Variants in KHDRBS2 observed in about 807,000 individuals in gnomAD.
KHDRBS2 encodes KH domain-containing, RNA-binding, signal transduction-associated protein 2.
In KHDRBS2, 26 loss-of-function variants were observed where a neutral mutation model predicts 44.3. That is an observed-to-expected ratio of 0.59 (90% CI 0.43 to 0.81). The LOEUF (loss-of-function observed/expected upper bound fraction) is 0.81. Ranked by LOEUF, KHDRBS2 falls within the 40% of genes least tolerant of loss-of-function variation. KHDRBS2 has a pLI of 0.00. For missense variants in KHDRBS2, 476 were observed against 433.1 expected (o/e 1.10, Z -0.88); for synonymous variants, 194 against 151.1 (o/e 1.28, Z -2.08).
chr6:61,722,715 ATTT>A (rs11327085), intron 7 of KHDRBS2, among the ~76,000 whole-genome samples: 1 of 146,444 alleles, frequency 6.8e-6, no homozygotes. Context: ...ATATATTTCT[ATTT>A]TTTTTTTTTT....
intron 1 of KHDRBS2, among the ~76,000 whole-genome samples, chr6:62,235,192 G>A (rs1833521493): frequency 6.6e-6 from 1 of 150,510 alleles, no homozygotes; most frequent in East Asian, 2.0e-4. Context: ...CACACGGGAT[G>A]GTAAATTGTT....
intron 2 of KHDRBS2, among the ~76,000 whole-genome samples, chr6:62,161,494 G>T (rs905995117): frequency 2.1e-5 from 3 of 141,628 alleles, no homozygotes; most frequent in Non-Finnish European, 3.0e-5. Context: ...TAAAGTATAT[G>T]TGAGAATTGC....
intron 6 of KHDRBS2, among the ~76,000 whole-genome samples, chr6:61,738,354 T>C (rs1277249048): frequency 6.6e-6 from 1 of 152,062 alleles, no homozygotes; most frequent in Non-Finnish European, 1.5e-5. Context: ...CATTCCTCCC[T>C]GGAACATGGT....
At chr6:62,165,566 AACT>A (rs1366033939) in intron 2 of KHDRBS2, among the ~76,000 whole-genome samples, 1 of 151,910 alleles carries the variant, frequency 6.6e-6, no homozygotes, top group Non-Finnish European at 1.5e-5. Flanking sequence ...TCCTGAAATG[AACT>A]ACATTTGAGT....
the KHDRBS2 span, among the ~76,000 whole-genome samples, chr6:61,613,953 T>C: frequency 1.3e-5 from 2 of 152,214 alleles, no homozygotes; most frequent in Non-Finnish European, 2.9e-5. Flanking sequence ...GACTAAATCA[T>C]CCTCCAGACC....
At chr6:61,548,055 C>A in the KHDRBS2 span, among the ~76,000 whole-genome samples, 3 of 152,038 alleles carry the variant, frequency 2.0e-5, no homozygotes, top group African/African-American at 7.2e-5. Context: ...AAAGAATTTA[C>A]ACATCAATAT....
chr6:62,050,194 C>T (rs1208039626), intron 2 of KHDRBS2, among the ~76,000 whole-genome samples: 2 of 151,942 alleles, frequency 1.3e-5, no homozygotes, highest in African/African-American at 4.8e-5. Flanking sequence ...GACATAGGAA[C>T]AGAAAACCAA....
intron 6 of KHDRBS2, among the ~76,000 whole-genome samples, chr6:61,801,314 G>C (rs1316779934): frequency 6.6e-6 from 1 of 151,880 alleles, no homozygotes; most frequent in Non-Finnish European, 1.5e-5. Context: ...TTGGAGAACA[G>C]AATATAGTGA....
At chr6:61,690,164 T>C (rs1473746906) in intron 8 of KHDRBS2, among the ~76,000 whole-genome samples, 2 of 152,020 alleles carry the variant, frequency 1.3e-5, no homozygotes, top group African/African-American at 4.8e-5. Flanking sequence ...AATTCTGTAA[T>C]GATTTCCTAA....
At position 62,128,544 on chromosome 6, in the gene KHDRBS2, A is replaced by ATCTC. The variant is rs5876776; in HGVS notation, c.219+48637_219+48640dup. ...AATGATCTCTAAATTTCTTTTAATG[A>ATCTC]TCTCTCTCTCTCTCTCTCTCTCTCT... On this transcript the variant is annotated intron_variant, in intron 2 of 8. Coordinates refer to ENST00000281156, the MANE Select transcript of KHDRBS2 (RefSeq NM_152688.4). 1.9e-3 allele frequency among the ~76,000 whole-genome samples: 286 copies of ATCTC among 148,774 alleles called. 2 individuals are homozygous for ATCTC. The highest frequency in any genetic ancestry group is 6.2e-3 in the African/African-American group (252 of 40,598).
intron 2 of KHDRBS2, among the ~76,000 whole-genome samples, chr6:62,130,844 T>C (rs1182581991): frequency 6.6e-6 from 1 of 152,022 alleles, no homozygotes; most frequent in East Asian, 1.9e-4. Flanking sequence ...ATGTATTAAA[T>C]ACTGTACTGA....
At chr6:61,574,413 C>A in the KHDRBS2 span, 2 of 1,518,016 alleles carry the variant, frequency 1.3e-6, no homozygotes, top group Non-Finnish European at 1.8e-6. Context: ...TACAACAAGA[C>A]GAGAAGACCA....
chr6:62,186,459 C>G (rs1823434686), intron 1 of KHDRBS2, among the ~76,000 whole-genome samples: 1 of 152,080 alleles, frequency 6.6e-6, no homozygotes, highest in Non-Finnish European at 1.5e-5. Context: ...ATGTATTTCA[C>G]AAGCTTACAT....
At chr6:61,805,826 G>A (rs1450466852) in intron 6 of KHDRBS2, among the ~76,000 whole-genome samples, 3 of 152,152 alleles carry the variant, frequency 2.0e-5, no homozygotes, top group Non-Finnish European at 2.9e-5. Context: ...CCCAAAATGC[G>A]GGGATTACAA....
intron 4 of KHDRBS2, among the ~76,000 whole-genome samples, chr6:61,974,413 G>A (rs1772071613): frequency 1.3e-5 from 2 of 152,096 alleles, no homozygotes; most frequent in Non-Finnish European, 1.5e-5. Context: ...AAAGAGAGGA[G>A]TGCATCAACA....
At chr6:62,100,092 C>T (rs1801520317) in intron 2 of KHDRBS2, among the ~76,000 whole-genome samples, 1 of 152,018 alleles carries the variant, frequency 6.6e-6, no homozygotes, top group Admixed American at 6.5e-5. Context: ...AAAATATCAA[C>T]ATCAACAGGA....
intron 2 of KHDRBS2, among the ~76,000 whole-genome samples, chr6:62,163,430 G>T (rs1216922285): frequency 1.3e-5 from 2 of 151,932 alleles, no homozygotes; most frequent in Non-Finnish European, 2.9e-5. Context: ...TTCAATTCTA[G>T]AATTATTCAT....
chr6:61,561,256 A>G, the KHDRBS2 span, among the ~76,000 whole-genome samples: 2 of 152,044 alleles, frequency 1.3e-5, no homozygotes, highest in Admixed American at 1.3e-4. Context: ...CCTGAAACTT[A>G]GGGAGGAATG....
chr6:61,754,620 A>C (rs1044036131), intron 6 of KHDRBS2, among the ~76,000 whole-genome samples: 1 of 147,228 alleles, frequency 6.8e-6, no homozygotes, highest in Non-Finnish European at 1.5e-5. Context: ...CTTACATAGG[A>C]CTTTGCTCAT....
Sources: allele counts gnomAD v4.1 joint callset (sites outside exome capture counted in the v4.1 genomes callset), GRCh38; gene constraint gnomAD v4.1.1; transcripts MANE v1.5; gene names NCBI Gene and HGNC (gene_info 2026-07-23, HGNC 2026-07-21).